The following EIF2AK4 variants were observed in gnomAD, a reference collection of about 807,000 sequenced individuals.
EIF2AK4 encodes the protein eukaryotic translation initiation factor 2 alpha kinase 4.
Under a neutral mutation model 211.1 loss-of-function variants are expected in EIF2AK4, and 139 were observed. The observed-to-expected ratio is 0.66, with a 90% CI of 0.57 to 0.76. The LOEUF (loss-of-function observed/expected upper bound fraction) is 0.76. Among genes scored for constraint, EIF2AK4 ranks in the 30% least tolerant of loss-of-function variants. The pLI, the probability that EIF2AK4 is intolerant of heterozygous loss-of-function variation, is 0.00. For synonymous variants in EIF2AK4, 710 were observed against 751.3 expected (o/e 0.94, Z 0.90); for missense variants, 1,664 against 2,043.8 (o/e 0.81, Z 3.58).
chr15:39,939,611 C>G lies in EIF2AK4; in HGVS notation c.251C>G (p.Pro84Arg). The G allele has an allele frequency of 6.2e-7, 1 of 1,604,596 alleles. No individual in the cohort carries two copies. Among genetic ancestry groups the G allele is most frequent in the Non-Finnish European group, 8.5e-7 (1 of 1,174,270 alleles). The change falls in exon 2 of 39, where the codon CCA becomes CGA. Residue 84 changes from proline to arginine, a missense_variant. Physicochemically the swap from Pro to Arg is moderately radical, Grantham distance 103. Coordinates refer to ENST00000263791, the MANE Select transcript of EIF2AK4 (RefSeq NM_001013703.4). ...DLRVKCPPTY[P>R]DVVPEIELKN... Reference sequence around the variant, plus strand: ...AGGGTTAAATGCCCACCTACCTATCCAGATGTGTGAGTACATTTATAAATA... The same window carrying G: ...AGGGTTAAATGCCCACCTACCTATCGAGATGTGTGAGTACATTTATAAATA...
intron 13 of EIF2AK4, among the ~76,000 whole-genome samples, chr15:39,978,978 C>T (rs1379002996): frequency 2.0e-5 from 3 of 152,290 alleles, no homozygotes; most frequent in East Asian, 1.9e-4. Flanking sequence ...GGCAAAACTT[C>T]GGTGCAGTTA....
intron 32 of EIF2AK4, among the ~76,000 whole-genome samples, chr15:40,023,335 T>G (rs138570451): frequency 0.011 from 1,685 of 152,296 alleles, 34 homozygotes; most frequent in African/African-American, 0.038. Context: ...CTTAAAAATA[T>G]TTTTCTCTTC....
At chr15:39,938,107 C>A (rs2034093527) in intron 1 of EIF2AK4, among the ~76,000 whole-genome samples, 1 of 152,228 alleles carries the variant, frequency 6.6e-6, no homozygotes, top group African/African-American at 2.4e-5. Flanking sequence ...CAACGGCACT[C>A]TCTAAGCTTG....
chr15:39,939,276 G>A (rs1382490787), intron 1 of EIF2AK4, among the ~76,000 whole-genome samples: 1 of 152,154 alleles, frequency 6.6e-6, no homozygotes, highest in Admixed American at 6.5e-5. Context: ...AAGCTGAGTG[G>A]AACATTTTGG....
At chr15:40,021,051 G>A (rs1189242294) in intron 31 of EIF2AK4, 24 bp downstream of exon 31, 1 of 1,609,042 alleles carries the variant, frequency 6.2e-7, no homozygotes, top group South Asian at 1.1e-5. Context: ...AAGCACCTGT[G>A]AGTGAAGTGC....
Position 39,973,637 on chromosome 15 carries a change from G to T in EIF2AK4, c.1706G>T (p.Arg569Leu), listed in dbSNP as rs192337360. The T allele has an allele frequency of 2.5e-6, 4 of 1,613,992 alleles. No homozygotes were observed. Among genetic ancestry groups the T allele is most frequent in the Non-Finnish European group, 3.4e-6 (4 of 1,179,968 alleles). Residue 569 changes from arginine (R) to leucine (L), a missense_variant, in exon 11 of 39, where the codon CGG becomes CTG. By Grantham distance (102) the Arg-to-Leu change is moderately radical. Around this residue, in one of 7 missense-constraint regions of EIF2AK4, gnomAD observed 641 missense variants for 729.6 expected, o/e 0.88. Coordinates refer to ENST00000263791, the MANE Select transcript of EIF2AK4 (RefSeq NM_001013703.4). Reference sequence around the variant, plus strand: ...GTTGAGACTGTTATTCCTAGCAACCGGCTACCCAGTGCTGCCTTCTTTAGT... The same window carrying T: ...GTTGAGACTGTTATTCCTAGCAACCTGCTACCCAGTGCTGCCTTCTTTAGT... Reference protein sequence around the residue: ...DYVETVIPSNRLPSAAFFSET... With the variant: ...DYVETVIPSNLLPSAAFFSET...
intron 17 of EIF2AK4, 68 bp downstream of exon 17, chr15:39,992,297 GT>G (rs2034954724): frequency 2.2e-6 from 3 of 1,354,962 alleles, no homozygotes; most frequent in African/African-American, 1.5e-5. Context: ...CCTGAAACCT[GT>G]TTTTTACTTG....
chr15:39,967,924 C>T (rs890514778), intron 9 of EIF2AK4, 45 bp downstream of exon 9: 1 of 1,582,198 alleles, frequency 6.3e-7, no homozygotes, highest in Non-Finnish European at 8.6e-7. Flanking sequence ...TACTCCTGTA[C>T]TTTTGATTGT....
intron 9 of EIF2AK4, among the ~76,000 whole-genome samples, chr15:39,968,891 T>TATATATAC (rs139536340): frequency 0.01 from 1,500 of 149,186 alleles, 11 homozygotes; most frequent in Non-Finnish European, 0.018. Flanking sequence ...TATATATATA[T>TATATATAC]ACACACACAT....
At chr15:40,021,555 G>A (rs887603679) in intron 31 of EIF2AK4, 4 of 152,366 alleles carry the variant, frequency 2.6e-5, no homozygotes, top group South Asian at 4.1e-4. Flanking sequence ...ACATCTTTGC[G>A]GGGCTGTACT....
chr15:40,034,758 C>CCAAT lies in EIF2AK4; in HGVS notation c.4893-254_4893-251dup, dbSNP rs1001888740. Among the ~76,000 whole-genome samples the CCAAT allele has an allele frequency of 4.6e-5, 7 of 152,070 alleles. No homozygotes were observed. In the East Asian group the frequency reaches 7.7e-4, roughly 17 times the overall value. ...TGCTGTATGTCCTTATGTCATAATG[C>CCAAT]CAATCAATCAATCAATCATTCATGT... On this transcript the variant is annotated intron_variant, in intron 38 of 38. Coordinates refer to ENST00000263791, the MANE Select transcript of EIF2AK4 (RefSeq NM_001013703.4).
chr15:40,003,231 AACAG>A lies in EIF2AK4; in HGVS notation c.3278_3281del (p.Arg1093LysfsTer19). The A allele has an allele frequency of 6.2e-7, 1 of 1,614,158 alleles. No individual in the cohort carries two copies. The highest frequency in any genetic ancestry group is 8.5e-7 in the Non-Finnish European group (1 of 1,180,020). ...GTGTACTCCACTACTGCTTCCCCGA[AACAG>A]ACAAATATATGAGCACAACGAAGCT... On this transcript the variant is annotated frameshift_variant, in exon 23 of 39. Coordinates refer to ENST00000263791, the MANE Select transcript of EIF2AK4 (RefSeq NM_001013703.4). LOFTEE classifies it high-confidence loss of function.
At chr15:40,019,056 C>G (rs755157942) in intron 29 of EIF2AK4, 37 bp from the exon 30 acceptor site, 2 of 1,467,772 alleles carry the variant, frequency 1.4e-6, no homozygotes, top group South Asian at 2.4e-5. Context: ...AGTTTCTTTC[C>G]TATTTCATAA....
At chr15:40,011,204 A>G (rs1330615465) in intron 26 of EIF2AK4, 77 bp from the exon 27 acceptor site, 5 of 1,194,706 alleles carry the variant, frequency 4.2e-6, no homozygotes, top group Non-Finnish European at 6.2e-6. Context: ...TATACTTGTT[A>G]GAATTCGCCT....
intron 20 of EIF2AK4, among the ~76,000 whole-genome samples, chr15:39,999,953 C>G (rs938999429): frequency 6.6e-6 from 1 of 152,142 alleles, no homozygotes; most frequent in Non-Finnish European, 1.5e-5. Flanking sequence ...TACCCTTGAG[C>G]ATTTGAGTCT....
chr15:40,016,567 T>C lies in EIF2AK4; in HGVS notation c.3825T>C (p.Asn1275=), dbSNP rs1395797977. 1 of 1,614,098 alleles carries C rather than the reference T, an allele frequency of 6.2e-7. No individual in the cohort carries two copies. Among genetic ancestry groups the C allele is most frequent in the African/African-American group, 1.3e-5 (1 of 75,034 alleles). The change falls in exon 28 of 39, where the codon AAT becomes AAC. Residue 1275 remains asparagine, a synonymous_variant. Transcript: ENST00000263791. Reference sequence around the variant, plus strand: ...TGCAAGATCTTATGCCAACAATAAATTCATTAATAAAACAGAAAACAGGTA... The same window carrying C: ...TGCAAGATCTTATGCCAACAATAAACTCATTAATAAAACAGAAAACAGGTA... ...GDLQDLMPTI[N]SLIKQKTGIA...
Position 39,943,374 on chromosome 15 carries a change from C to G in EIF2AK4, c.258-9C>G. On this transcript the variant is annotated splice_polypyrimidine_tract_variant and intron_variant, in intron 2 of 38. Transcript: ENST00000263791. Reference sequence around the variant, plus strand: ...CTCTTTTTTTTTTTTTTTTTTTTGCCTTTTCCAGAGTTCCTGAAATAGAGT... The same window carrying G: ...CTCTTTTTTTTTTTTTTTTTTTTGCGTTTTCCAGAGTTCCTGAAATAGAGT... 1 of 1,009,122 alleles carries G rather than the reference C, an allele frequency of 9.9e-7. No individual in the cohort carries two copies. The highest frequency in any genetic ancestry group is 1.3e-6 in the Non-Finnish European group (1 of 766,490). 62.5% of individuals were successfully genotyped at this position (1,009,122 alleles called of 1,614,324 possible). A position where few individuals can be genotyped will look rare whatever the true frequency, so the allele number is the denominator to read the frequency against.
At chr15:39,941,487 A>G (rs768442591) in intron 2 of EIF2AK4, among the ~76,000 whole-genome samples, 5 of 151,968 alleles carry the variant, frequency 3.3e-5, no homozygotes, top group Non-Finnish European at 7.3e-5. Context: ...TATCAAATAT[A>G]TATTTTTTTA....
intron 25 of EIF2AK4, 126 bp from the exon 26 acceptor site, chr15:40,009,488 A>G (rs1161781596): frequency 3.3e-6 from 2 of 610,190 alleles, no homozygotes; most frequent in African/African-American, 1.9e-5. Context: ...ATAAACTAGG[A>G]AGCCATATGC....
Sources: allele counts gnomAD v4.1 joint callset (sites outside exome capture counted in the v4.1 genomes callset), GRCh38; gene constraint gnomAD v4.1.1; regional missense constraint gnomAD v4.1.1; transcripts MANE v1.5; gene names NCBI Gene and HGNC (gene_info 2026-07-23, HGNC 2026-07-21).